The following FILIP1 variants were observed in gnomAD, a reference collection of about 807,000 sequenced individuals.
The protein encoded by FILIP1 is filamin-A-interacting protein 1.
In FILIP1, 61 loss-of-function variants were observed where a neutral mutation model predicts 102.1. That is an observed-to-expected ratio of 0.60 (90% CI 0.49 to 0.74). The LOEUF (loss-of-function observed/expected upper bound fraction) is 0.74. FILIP1 is among the 30% of genes least tolerant of loss of function. FILIP1 has a pLI of 0.00. For synonymous variants in FILIP1, 491 were observed against 526.9 expected, an observed-to-expected ratio of 0.93 and a Z score of 0.93; for missense variants, 1,314 against 1,441.2, an observed-to-expected ratio of 0.91 and a Z score of 1.43.
At chr6:75,409,109 T>C (rs1231666357) in intron 2 of FILIP1, among the ~76,000 whole-genome samples, 1 of 152,230 alleles carries the variant, frequency 6.6e-6, no homozygotes, top group Non-Finnish European at 1.5e-5. Flanking sequence ...GTGAGTCTAC[T>C]TTAAATAAAT....
intron 1 of FILIP1, among the ~76,000 whole-genome samples, chr6:75,450,508 A>G (rs1778591640): frequency 6.6e-6 from 1 of 151,808 alleles, no homozygotes; most frequent in Admixed American, 6.6e-5. Context: ...AATTAGCTGG[A>G]TGTGGTGGCA....
intron 4 of FILIP1, among the ~76,000 whole-genome samples, chr6:75,344,732 G>A (rs1774521096): frequency 6.6e-6 from 1 of 152,222 alleles, no homozygotes; most frequent in African/African-American, 2.4e-5. Context: ...TGACAGCAAT[G>A]TGAAAGGAGC....
chr6:75,393,393 G>T (rs1007924182), intron 2 of FILIP1, among the ~76,000 whole-genome samples: 3 of 151,928 alleles, frequency 2.0e-5, no homozygotes, highest in Non-Finnish European at 4.4e-5. Context: ...CCTAAAATTC[G>T]CTCTTATTTT....
chr6:75,458,135 C>T (rs778370712), intron 1 of FILIP1: 8 of 152,160 alleles, frequency 5.3e-5, no homozygotes, highest in Non-Finnish European at 7.3e-5. Context: ...ACAAATTTAA[C>T]TGGGTGTCTT....
At chr6:75,360,409 G>A (rs566260509) in intron 3 of FILIP1, among the ~76,000 whole-genome samples, 42 of 151,998 alleles carry the variant, frequency 2.8e-4, no homozygotes, top group Non-Finnish European at 4.7e-4. Flanking sequence ...AGGGACTTCC[G>A]GATATATTAA....
At chr6:75,349,203 G>A (rs1001027799) in intron 4 of FILIP1, among the ~76,000 whole-genome samples, 9 of 152,128 alleles carry the variant, frequency 5.9e-5, no homozygotes, top group African/African-American at 2.2e-4. Flanking sequence ...CTTATCAACA[G>A]CTACTACTGA....
At chr6:75,344,064 G>A (rs1224144180) in intron 4 of FILIP1, among the ~76,000 whole-genome samples, 2 of 152,174 alleles carry the variant, frequency 1.3e-5, no homozygotes, top group Non-Finnish European at 2.9e-5. Context: ...ATGGCCCAGT[G>A]CTTGTCATCC....
intron 2 of FILIP1, among the ~76,000 whole-genome samples, chr6:75,404,170 G>C (rs1034245861): frequency 2.6e-5 from 4 of 152,158 alleles, no homozygotes; most frequent in African/African-American, 9.7e-5. Context: ...CCAGGAGTTG[G>C]AGGCTGCAGT....
chr6:75,363,730 T>C (rs757399570), intron 2 of FILIP1, among the ~76,000 whole-genome samples: 31 of 152,240 alleles, frequency 2.0e-4, no homozygotes, highest in Non-Finnish European at 3.7e-4. Flanking sequence ...TTTCTAGTTA[T>C]GATGGAGCTG....
intron 1 of FILIP1, among the ~76,000 whole-genome samples, chr6:75,459,824 G>C (rs1472953742): frequency 9.9e-5 from 15 of 152,184 alleles, no homozygotes. Flanking sequence ...AAGAGAATTA[G>C]AAGATAATTT....
chr6:75,342,606 T>C (rs539917644), intron 4 of FILIP1, among the ~76,000 whole-genome samples: 1 of 152,356 alleles, frequency 6.6e-6, no homozygotes, highest in Admixed American at 6.5e-5. Flanking sequence ...CAAGCCCTCA[T>C]TTCTGGAGTT....
At chr6:75,362,698 T>TC (rs763141465) in intron 3 of FILIP1, 46 bp downstream of exon 3, 5 of 1,571,772 alleles carry the variant, frequency 3.2e-6, no homozygotes, top group East Asian at 4.5e-5. Flanking sequence ...TGAAGATATC[T>TC]CCCTGAGGTT....
intron 1 of FILIP1, among the ~76,000 whole-genome samples, chr6:75,420,317 G>C (rs1459537599): frequency 2.0e-5 from 3 of 151,320 alleles, no homozygotes. Context: ...AATAACAAGA[G>C]AATAGATCAG....
At chr6:75,319,756 G>A (rs1432168765) in intron 4 of FILIP1, 1 of 310,722 alleles carries the variant, frequency 3.2e-6, no homozygotes, top group African/African-American at 2.2e-5. Context: ...TGTGAACCCG[G>A]GGGGCGGAGC....
chr6:75,375,096 G>T (rs1044384353), intron 2 of FILIP1, among the ~76,000 whole-genome samples: 1 of 152,090 alleles, frequency 6.6e-6, no homozygotes, highest in Non-Finnish European at 1.5e-5. Context: ...GAGGGGAGGG[G>T]TGAGTCTGAG....
At chr6:75,369,008 A>C (rs1018480143) in intron 2 of FILIP1, among the ~76,000 whole-genome samples, 7 of 152,208 alleles carry the variant, frequency 4.6e-5, no homozygotes, top group African/African-American at 1.7e-4. Context: ...CTTGGAAATC[A>C]CTGCTCTAGG....
chr6:75,461,133 C>A (rs1229180575), intron 1 of FILIP1, among the ~76,000 whole-genome samples: 2 of 152,100 alleles, frequency 1.3e-5, no homozygotes, highest in Non-Finnish European at 2.9e-5. Context: ...AACCTCAGCC[C>A]ACAAAAACTG....
intron 1 of FILIP1, chr6:75,458,664 A>C (rs1159074626): frequency 1.3e-5 from 2 of 152,136 alleles, no homozygotes; most frequent in African/African-American, 4.8e-5. Flanking sequence ...TTTCTCAAAT[A>C]TTTTTCCAAA....
intron 2 of FILIP1, among the ~76,000 whole-genome samples, chr6:75,387,584 T>C (rs1776142267): frequency 6.6e-6 from 1 of 152,210 alleles, no homozygotes; most frequent in Non-Finnish European, 1.5e-5. Flanking sequence ...ATCACCATTC[T>C]AACTGGCGTG....
Sources: allele counts gnomAD v4.1 joint callset (sites outside exome capture counted in the v4.1 genomes callset), GRCh38; gene constraint gnomAD v4.1.1; transcripts MANE v1.5; gene names NCBI Gene and HGNC (gene_info 2026-07-23, HGNC 2026-07-21).